Variants in PCBD2 observed in about 807,000 individuals in gnomAD.
The protein encoded by PCBD2 is pterin-4 alpha-carbinolamine dehydratase 2, also known as pterin-4-alpha-carbinolamine dehydratase 2.
A neutral mutation model predicts 16.4 loss-of-function variants in PCBD2; 12 were observed. The ratio of observed to expected loss-of-function variants is 0.73; its 90% CI spans 0.47 to 1.19. The LOEUF is 1.19. Ranked by LOEUF, PCBD2 falls within the 50% of genes most tolerant of loss-of-function variation. The probability of loss-of-function intolerance (pLI) is 0.00; values close to 1 mark genes in which losing one functional copy is unlikely to be tolerated. For missense variants in PCBD2, 138 were observed against 156.8 expected (o/e 0.88, Z 0.64); for synonymous variants, 58 against 61.8 (o/e 0.94, Z 0.29).
chr5:134,949,471 G>A (rs774412570), intron 2 of PCBD2, among the ~76,000 whole-genome samples: 6 of 152,180 alleles, frequency 3.9e-5, no homozygotes, highest in East Asian at 3.9e-4. Context: ...ACTGAAACTC[G>A]TTTCAAAAGT....
chr5:134,943,729 G>A (rs1751259196), intron 2 of PCBD2, among the ~76,000 whole-genome samples: 1 of 152,134 alleles, frequency 6.6e-6, no homozygotes, highest in African/African-American at 2.4e-5. Context: ...AATGCAGTGT[G>A]GACTGCAGTG....
chr5:134,955,032 G>T (rs976032248), intron 2 of PCBD2, among the ~76,000 whole-genome samples: 2 of 151,852 alleles, frequency 1.3e-5, no homozygotes, highest in Non-Finnish European at 2.9e-5. Context: ...GTGAGCCACT[G>T]TGTCTGGCCA....
At chr5:134,947,770 A>G (rs1003287525) in intron 2 of PCBD2, among the ~76,000 whole-genome samples, 4 of 151,648 alleles carry the variant, frequency 2.6e-5, no homozygotes, top group Non-Finnish European at 4.4e-5. Flanking sequence ...GAAGCCTATG[A>G]AGTCGTTTTT....
At chr5:134,939,988 A>G (rs1408847915) in intron 2 of PCBD2, among the ~76,000 whole-genome samples, 2 of 151,510 alleles carry the variant, frequency 1.3e-5, no homozygotes, top group African/African-American at 4.9e-5. Flanking sequence ...GTTGGCCATC[A>G]GGTCACACAG....
chr5:134,957,937 A>G (rs922056180), intron 2 of PCBD2, among the ~76,000 whole-genome samples: 3 of 152,240 alleles, frequency 2.0e-5, no homozygotes, highest in East Asian at 1.9e-4. Context: ...AGTGAATGAT[A>G]TAGAATTGTT....
intron 2 of PCBD2, among the ~76,000 whole-genome samples, chr5:134,919,793 T>C (rs1269476335): frequency 6.6e-6 from 1 of 152,222 alleles, no homozygotes; most frequent in Non-Finnish European, 1.5e-5. Context: ...TCATTTCTGT[T>C]CTGTTTCTGT....
At chr5:134,910,268 A>G (rs1428857195) in intron 1 of PCBD2, 67 bp from the exon 2 acceptor site, 19 of 1,516,996 alleles carry the variant, frequency 1.3e-5, no homozygotes, top group Non-Finnish European at 1.5e-5. Flanking sequence ...GCTTAAGGTA[A>G]GGAGCCATAA....
rs150787729 is a variant in PCBD2 at position 134,954,314 on chromosome 5, T to C, written c.217-4726T>C. The stretch of plus-strand genomic sequence containing the variant: ...ATACTTATGTCTCTAACTTGATCTT[T>C]CATCTTTCAAAGATTTTGTTTACTT... On this transcript the variant is annotated intron_variant, in intron 2 of 3. Coordinates refer to ENST00000254908, the MANE Select transcript of PCBD2 (RefSeq NM_032151.5). Among the ~76,000 whole-genome samples, 6 of 152,340 alleles carry C rather than the reference T, an allele frequency of 3.9e-5. No individual in the cohort carries two copies. In the East Asian group the frequency reaches 1.2e-3, roughly 29 times the overall value.
chr5:134,941,480 G>C (rs1751226597), intron 2 of PCBD2, among the ~76,000 whole-genome samples: 1 of 152,208 alleles, frequency 6.6e-6, no homozygotes, highest in Non-Finnish European at 1.5e-5. Context: ...TGCAATGTAT[G>C]TTGATAGAGA....
intron 2 of PCBD2, among the ~76,000 whole-genome samples, chr5:134,932,073 C>T (rs1207435781): frequency 6.6e-6 from 1 of 152,194 alleles, no homozygotes; most frequent in South Asian, 2.1e-4. Flanking sequence ...TGGAACTCTG[C>T]ATACAGAAGA....
intron 2 of PCBD2, among the ~76,000 whole-genome samples, chr5:134,915,920 A>C (rs146066177): frequency 1.3e-5 from 2 of 152,290 alleles, no homozygotes; most frequent in African/African-American, 4.8e-5. Context: ...TACAGACTGG[A>C]CAAAGCCACA....
chr5:134,927,775 G>T (rs1271828104), intron 2 of PCBD2: 4 of 397,474 alleles, frequency 1.0e-5, no homozygotes, highest in East Asian at 3.6e-5. Context: ...CGTGATAGTG[G>T]TTCATTGGAT....
intron 2 of PCBD2, among the ~76,000 whole-genome samples, chr5:134,932,151 C>T (rs1472597912): frequency 2.6e-5 from 4 of 152,118 alleles, no homozygotes; most frequent in African/African-American, 9.7e-5. Flanking sequence ...CATTTTAATT[C>T]TGAGTTTCTT....
rs565174962 is a variant in PCBD2, at chr5:134,953,990, C to T, written c.217-5050C>T. On this transcript the variant is annotated intron_variant, in intron 2 of 3. Transcript: ENST00000254908. ...AATTAATCAGATACAGAGTCTTGCT[C>T]TGTCACCCAGGTTGGCGTGCAGTGG... Among the ~76,000 whole-genome samples the T allele has an allele frequency of 8.5e-4, 129 of 152,262 alleles. 1 individual carries two copies. The highest frequency in any genetic ancestry group is 3.1e-3 in the African/African-American group (128 of 41,548).
At chr5:134,926,558 G>A in intron 2 of PCBD2, 1 of 395,832 alleles carries the variant, frequency 2.5e-6, no homozygotes, top group East Asian at 3.6e-5. Flanking sequence ...TAGACATGGG[G>A]ATATGAGTTA....
At chr5:134,941,834 G>T (rs552472040) in intron 2 of PCBD2, among the ~76,000 whole-genome samples, 6 of 151,982 alleles carry the variant, frequency 3.9e-5, no homozygotes, top group Non-Finnish European at 5.9e-5. Context: ...ATAAGATTAT[G>T]GGGGCTGGGT....
chr5:134,950,741 A>T lies in PCBD2; in HGVS notation c.217-8299A>T, dbSNP rs116433083. 3.1e-3 allele frequency among the ~76,000 whole-genome samples: 465 copies of T among 152,310 alleles called. 4 individuals are homozygous for T. Among genetic ancestry groups the T allele is most frequent in the African/African-American group, 0.011 (438 of 41,560 alleles). ...AGAGTAACTTAAAAAGTCATACTTC[A>T]TCATACATTCATTGACTTGTTCATA... is the stretch of plus-strand genomic sequence containing the variant. On this transcript the variant is annotated intron_variant, in intron 2 of 3. Transcript: ENST00000254908.
intron 2 of PCBD2, among the ~76,000 whole-genome samples, chr5:134,938,396 A>G (rs1012214254): frequency 1.3e-5 from 2 of 152,220 alleles, no homozygotes; most frequent in African/African-American, 4.8e-5. Flanking sequence ...TTTTCTCTGA[A>G]TGACCATTTT....
At chr5:134,936,001 TA>T (rs1354709240) in intron 2 of PCBD2, among the ~76,000 whole-genome samples, 1 of 152,206 alleles carries the variant, frequency 6.6e-6, no homozygotes, top group Non-Finnish European at 1.5e-5. Context: ...AGCCAAGAAT[TA>T]TTATGCTGAA....
Sources: allele counts gnomAD v4.1 joint callset (sites outside exome capture counted in the v4.1 genomes callset), GRCh38; gene constraint gnomAD v4.1.1; transcripts MANE v1.5; gene names NCBI Gene and HGNC (gene_info 2026-07-23, HGNC 2026-07-21).